NRG3: variants seen among roughly 807,000 people sequenced by gnomAD.
NRG3 encodes the protein pro-neuregulin-3, membrane-bound isoform.
Under a neutral mutation model 66.9 loss-of-function variants are expected in NRG3, and 31 were observed. The observed-to-expected ratio is 0.46, with a 90% CI of 0.35 to 0.63. The LOEUF is 0.63. NRG3 is among the 20% of genes least tolerant of loss of function. The probability of loss-of-function intolerance (pLI) is 0.00; values close to 1 mark genes in which losing one functional copy is unlikely to be tolerated. For synonymous variants in NRG3, 393 were observed against 359.4 expected, an observed-to-expected ratio of 1.09 and a Z score of -1.06; for missense variants, 910 against 878.9, an observed-to-expected ratio of 1.04 and a Z score of -0.45.
intron 1 of NRG3, among the ~76,000 whole-genome samples, chr10:81,891,780 G>C (rs1478045996): frequency 6.6e-6 from 1 of 152,172 alleles, no homozygotes; most frequent in Admixed American, 6.6e-5. Flanking sequence ...TGAGACCCCA[G>C]GGTAAACTAC....
chr10:81,920,317 G>A (rs1490485776), intron 1 of NRG3, among the ~76,000 whole-genome samples: 1 of 152,058 alleles, frequency 6.6e-6, no homozygotes, highest in Non-Finnish European at 1.5e-5. Context: ...AAGAAAATTC[G>A]AAGGGTTCCT....
chr10:82,121,324 A>C (rs1361571359), intron 1 of NRG3, among the ~76,000 whole-genome samples: 1 of 152,196 alleles, frequency 6.6e-6, no homozygotes, highest in Non-Finnish European at 1.5e-5. Flanking sequence ...GCATAGACTA[A>C]GGGACACATA....
At chr10:82,477,295 G>C (rs1310634805) in intron 2 of NRG3, among the ~76,000 whole-genome samples, 1 of 152,190 alleles carries the variant, frequency 6.6e-6, no homozygotes, top group African/African-American at 2.4e-5. Context: ...CACGAGCAGA[G>C]TTGGGTTCCA....
chr10:82,863,744 T>C (rs1055347654), intron 3 of NRG3, among the ~76,000 whole-genome samples: 1 of 152,144 alleles, frequency 6.6e-6, no homozygotes, highest in Non-Finnish European at 1.5e-5. Flanking sequence ...CTCTCCCTCC[T>C]AGGAGCAAGT....
At chr10:82,460,627 CTTCTT>C (rs1226065144) in intron 2 of NRG3, among the ~76,000 whole-genome samples, 1 of 152,208 alleles carries the variant, frequency 6.6e-6, no homozygotes, top group African/African-American at 2.4e-5. Context: ...TCTGGCTTCT[CTTCTT>C]AGCTACACGT....
At chr10:82,807,071 T>A (rs1174298109) in intron 3 of NRG3, among the ~76,000 whole-genome samples, 1 of 152,232 alleles carries the variant, frequency 6.6e-6, no homozygotes, top group East Asian at 1.9e-4. Flanking sequence ...ATAAATGTCC[T>A]GGGAGAAAGT....
At chr10:82,224,828 G>A (rs2076097983) in intron 1 of NRG3, among the ~76,000 whole-genome samples, 2 of 152,074 alleles carry the variant, frequency 1.3e-5, no homozygotes, top group South Asian at 4.1e-4. Flanking sequence ...TCATAGGAAA[G>A]AGGGTTTCTT....
At chr10:82,186,603 C>G (rs1431139550) in intron 1 of NRG3, among the ~76,000 whole-genome samples, 2 of 152,194 alleles carry the variant, frequency 1.3e-5, no homozygotes, top group African/African-American at 4.8e-5. Flanking sequence ...CCCAACCCCT[C>G]ATTGTACAGA....
chr10:81,982,197 C>T (rs1055713525), intron 1 of NRG3, among the ~76,000 whole-genome samples: 1 of 152,170 alleles, frequency 6.6e-6, no homozygotes, highest in Non-Finnish European at 1.5e-5. Flanking sequence ...AGGTTTGTCA[C>T]CTACAATTTC....
intron 2 of NRG3, among the ~76,000 whole-genome samples, chr10:82,705,005 T>C (rs1304249350): frequency 6.6e-6 from 1 of 152,084 alleles, no homozygotes; most frequent in African/African-American, 2.4e-5. Context: ...AAAGTAAAAA[T>C]AAATTGATAA....
At chr10:82,903,141 C>G (rs1844395210) in intron 4 of NRG3, among the ~76,000 whole-genome samples, 1 of 152,066 alleles carries the variant, frequency 6.6e-6, no homozygotes, top group Admixed American at 6.6e-5. Context: ...GACACATAAA[C>G]AAATGTAAAG....
intron 2 of NRG3, among the ~76,000 whole-genome samples, chr10:82,513,361 G>A (rs954221963): frequency 1.3e-5 from 2 of 152,126 alleles, no homozygotes; most frequent in Non-Finnish European, 2.9e-5. Flanking sequence ...TATCATTGAT[G>A]GGCATTTAGG....
intron 1 of NRG3, among the ~76,000 whole-genome samples, chr10:82,153,974 C>G (rs1218181074): frequency 6.6e-6 from 1 of 151,888 alleles, no homozygotes; most frequent in Non-Finnish European, 1.5e-5. Flanking sequence ...AGCCCCTTAT[C>G]AGATGTATGG....
chr10:82,422,724 CTTGTT>C (rs1463532899), intron 2 of NRG3, among the ~76,000 whole-genome samples: 3 of 151,898 alleles, frequency 2.0e-5, no homozygotes, highest in Non-Finnish European at 4.4e-5. Flanking sequence ...TACATACAAA[CTTGTT>C]TTGTTTTGGG....
At chr10:82,621,717 C>G (rs1029407995) in intron 2 of NRG3, among the ~76,000 whole-genome samples, 2 of 152,276 alleles carry the variant, frequency 1.3e-5, no homozygotes, top group Admixed American at 6.5e-5. Context: ...GCTTTTGTGA[C>G]GGAATCAAAG....
At chr10:82,682,946 A>ATT (rs71009814) in intron 2 of NRG3, among the ~76,000 whole-genome samples, 2 of 65,334 alleles carry the variant, frequency 3.1e-5, no homozygotes, top group Non-Finnish European at 5.3e-5. Context: ...CCATGTCTTA[A>ATT]TTTTTTTTTT....
intron 2 of NRG3, among the ~76,000 whole-genome samples, chr10:82,570,171 A>G (rs680019): frequency 0.08 from 12,075 of 151,518 alleles, 603 homozygotes; most frequent in East Asian, 0.15. Flanking sequence ...TATTCCCTAT[A>G]CTGAATCTTT....
chr10:82,980,597 G>C (rs1852765219), intron 8 of NRG3, among the ~76,000 whole-genome samples: 1 of 152,106 alleles, frequency 6.6e-6, no homozygotes, highest in African/African-American at 2.4e-5. Flanking sequence ...TTTTCATATG[G>C]GCATGGGATA....
intron 1 of NRG3, among the ~76,000 whole-genome samples, chr10:82,100,442 A>G (rs1289019403): frequency 6.6e-6 from 1 of 152,040 alleles, no homozygotes; most frequent in Non-Finnish European, 1.5e-5. Context: ...TGTATAATGG[A>G]CTTTCTTCCT....
Sources: allele counts gnomAD v4.1 joint callset (sites outside exome capture counted in the v4.1 genomes callset), GRCh38; gene constraint gnomAD v4.1.1; transcripts MANE v1.5; gene names NCBI Gene and HGNC (gene_info 2026-07-23, HGNC 2026-07-21).